Variants in UNC5D observed in about 807,000 individuals in gnomAD.
The protein encoded by UNC5D is netrin receptor UNC5D.
UNC5D carries 39 observed loss-of-function variants against 105.4 expected under a neutral mutation model. The ratio of observed to expected loss-of-function variants is 0.37; its 90% CI spans 0.29 to 0.48. The LOEUF is 0.48. Among genes scored for constraint, UNC5D ranks in the 20% least tolerant of loss-of-function variants. The pLI is 0.98. For synonymous variants in UNC5D, 452 were observed against 450.4 expected (o/e 1.00, Z -0.04); for missense variants, 991 against 1,202.4 (o/e 0.82, Z 2.60).
intron 3 of UNC5D, among the ~76,000 whole-genome samples, chr8:35,578,269 CA>C (rs5890823): frequency 0.028 from 1,965 of 71,384 alleles, 66 homozygotes; most frequent in African/African-American, 0.12. Context: ...AACTCTGTCT[CA>C]AAAAAAAAAA....
At chr8:35,339,404 G>A (rs1446850172) in intron 1 of UNC5D, among the ~76,000 whole-genome samples, 2 of 152,210 alleles carry the variant, frequency 1.3e-5, no homozygotes, top group African/African-American at 2.4e-5. Context: ...AATGTAAAAT[G>A]TAGTGGGACT....
At chr8:35,439,714 A>G (rs1378312856) in intron 1 of UNC5D, among the ~76,000 whole-genome samples, 1 of 152,010 alleles carries the variant, frequency 6.6e-6, no homozygotes, top group African/African-American at 2.4e-5. Flanking sequence ...TCCTTTTTCC[A>G]TCTTCTAAAT....
chr8:35,430,154 C>G (rs1806528152), intron 1 of UNC5D, among the ~76,000 whole-genome samples: 2 of 152,072 alleles, frequency 1.3e-5, no homozygotes, highest in Admixed American at 6.6e-5. Context: ...GGACTTTCAG[C>G]CTGCTCAACC....
At chr8:35,381,382 C>T (rs1803034626) in intron 1 of UNC5D, among the ~76,000 whole-genome samples, 1 of 152,116 alleles carries the variant, frequency 6.6e-6, no homozygotes, top group African/African-American at 2.4e-5. Flanking sequence ...GACTCTCACA[C>T]TGGAGAGGAG....
At chr8:35,783,930 T>G (rs923370353) in intron 16 of UNC5D, among the ~76,000 whole-genome samples, 3 of 152,202 alleles carry the variant, frequency 2.0e-5, no homozygotes, top group African/African-American at 7.2e-5. Flanking sequence ...ATCTAAAGTT[T>G]TATTATTTTA....
chr8:35,476,465 T>C (rs1174433559), intron 1 of UNC5D, among the ~76,000 whole-genome samples: 2 of 152,240 alleles, frequency 1.3e-5, no homozygotes, highest in African/African-American at 4.8e-5. Flanking sequence ...GGAAGTATTT[T>C]ATGGTATTGT....
intron 1 of UNC5D, among the ~76,000 whole-genome samples, chr8:35,363,684 C>A (rs1289038971): frequency 6.6e-6 from 1 of 152,060 alleles, no homozygotes; most frequent in Non-Finnish European, 1.5e-5. Flanking sequence ...ATGTTATCTG[C>A]CAGGTTTCTC....
intron 8 of UNC5D, among the ~76,000 whole-genome samples, chr8:35,708,446 T>TAATC (rs1309409893): frequency 2.6e-5 from 4 of 152,354 alleles, no homozygotes; most frequent in South Asian, 2.1e-4. Context: ...TTATGAGATT[T>TAATC]AATCATAGTT....
intron 15 of UNC5D, among the ~76,000 whole-genome samples, chr8:35,770,575 T>G (rs1171614456): frequency 6.6e-6 from 1 of 152,222 alleles, no homozygotes; most frequent in African/African-American, 2.4e-5. Context: ...TACCTAATGA[T>G]TACTGCCAAC....
chr8:35,515,272 G>A (rs1813033843), intron 1 of UNC5D, among the ~76,000 whole-genome samples: 2 of 152,062 alleles, frequency 1.3e-5, no homozygotes, highest in Admixed American at 1.3e-4. Context: ...TTAGTGCATG[G>A]GTATAGATGA....
At chr8:35,646,878 C>A (rs891833894) in intron 4 of UNC5D, among the ~76,000 whole-genome samples, 1 of 152,044 alleles carries the variant, frequency 6.6e-6, no homozygotes, top group South Asian at 2.1e-4. Flanking sequence ...AATGGGATGT[C>A]GCTGTTGATA....
At chr8:35,259,390 C>T (rs1032157718) in intron 1 of UNC5D, among the ~76,000 whole-genome samples, 1 of 152,112 alleles carries the variant, frequency 6.6e-6, no homozygotes, top group African/African-American at 2.4e-5. Context: ...GCTGGCTGGA[C>T]GTGAGCTACC....
intron 1 of UNC5D, among the ~76,000 whole-genome samples, chr8:35,338,266 C>T (rs548072827): frequency 5.9e-5 from 9 of 152,154 alleles, no homozygotes; most frequent in East Asian, 5.8e-4. Flanking sequence ...TTGTTGAAAT[C>T]GTCAAATTTG....
At chr8:35,587,965 A>ATATAT (rs141049814) in intron 3 of UNC5D, among the ~76,000 whole-genome samples, 1 of 105,096 alleles carries the variant, frequency 9.5e-6, no homozygotes, top group South Asian at 3.9e-4. Context: ...TAACTATAAT[A>ATATAT]ATATATATAT....
intron 7 of UNC5D, among the ~76,000 whole-genome samples, chr8:35,695,634 A>G (rs947794711): frequency 2.0e-5 from 3 of 152,128 alleles, no homozygotes; most frequent in African/African-American, 7.2e-5. Flanking sequence ...TGCCATATTG[A>G]GAGTAGGATA....
chr8:35,763,367 C>T (rs923406170), intron 14 of UNC5D, among the ~76,000 whole-genome samples: 1 of 150,012 alleles, frequency 6.7e-6, no homozygotes, highest in Non-Finnish European at 1.5e-5. Flanking sequence ...ATATTTCTTC[C>T]AGTGTTTTTA....
chr8:35,772,168 G>A (rs1480461238), intron 15 of UNC5D, among the ~76,000 whole-genome samples: 2 of 152,124 alleles, frequency 1.3e-5, no homozygotes, highest in African/African-American at 4.8e-5. Context: ...GTTCTAAGAA[G>A]AGCGTATGAT....
At chr8:35,248,937 A>AAT (rs1420179568) in intron 1 of UNC5D, among the ~76,000 whole-genome samples, 2 of 94,826 alleles carry the variant, frequency 2.1e-5, no homozygotes, top group African/African-American at 8.9e-5. Flanking sequence ...ATAAATATAT[A>AAT]ATATATTATA....
At chr8:35,633,725 A>T (rs2131091597) in intron 4 of UNC5D, among the ~76,000 whole-genome samples, 1 of 152,288 alleles carries the variant, frequency 6.6e-6, no homozygotes, top group African/African-American at 2.4e-5. Context: ...ATTGCACACC[A>T]GCTTAGATCG....
Sources: allele counts gnomAD v4.1 joint callset (sites outside exome capture counted in the v4.1 genomes callset), GRCh38; gene constraint gnomAD v4.1.1; transcripts MANE v1.5; gene names NCBI Gene and HGNC (gene_info 2026-07-23, HGNC 2026-07-21).